Variants in UNC79 observed in about 807,000 individuals in gnomAD.
UNC79 encodes the protein unc-79 subunit of NALCN channel complex, also known as protein unc-79 homolog.
A neutral mutation model predicts 283.1 loss-of-function variants in UNC79; 37 were observed. That is an observed-to-expected ratio of 0.13 (90% CI 0.10 to 0.17). The LOEUF (loss-of-function observed/expected upper bound fraction) is 0.17, where lower values mean the gene tolerates loss of function less well. Ranked by LOEUF, UNC79 falls within the 10% of genes least tolerant of loss-of-function variation. The pLI, the probability that UNC79 is intolerant of heterozygous loss-of-function variation, is 1.00. For missense variants in UNC79, 2,272 were observed against 3,211.1 expected (o/e 0.71, Z 7.07); for synonymous variants, 1,107 against 1,200.2 (o/e 0.92, Z 1.61).
intron 22 of UNC79, among the ~76,000 whole-genome samples, chr14:93,593,229 G>C (rs909139115): frequency 6.6e-6 from 1 of 152,144 alleles, no homozygotes; most frequent in African/African-American, 2.4e-5. Flanking sequence ...TTGATGACCT[G>C]TCTGTTCTTG....
chr14:93,372,640 C>A (rs2054476639), intron 1 of UNC79, among the ~76,000 whole-genome samples: 1 of 152,226 alleles, frequency 6.6e-6, no homozygotes, highest in Non-Finnish European at 1.5e-5. Context: ...TGTTTAAGCA[C>A]CTAACAACAA....
intron 1 of UNC79, among the ~76,000 whole-genome samples, chr14:93,444,654 A>C (rs2140145018): frequency 6.6e-6 from 1 of 152,240 alleles, no homozygotes; most frequent in African/African-American, 2.4e-5. Flanking sequence ...TACGATATCC[A>C]GTTGTTTCTT....
chr14:93,404,493 A>AAATATAT, intron 1 of UNC79, among the ~76,000 whole-genome samples: 3 of 61,512 alleles, frequency 4.9e-5, no homozygotes, highest in Admixed American at 4.7e-4. Flanking sequence ...TTCTAAAAAA[A>AAATATAT]ATATATATAT....
chr14:93,692,098 TGC>T, intron 46 of UNC79, 152 bp downstream of exon 49: 4 of 915,740 alleles, frequency 4.4e-6, no homozygotes, highest in Non-Finnish European at 6.5e-6. Context: ...ATGTTCTGCT[TGC>T]ATAAGCATTT....
rs748828170 is a variant in UNC79, at chr14:93,622,301, G to C, written c.5068G>C (p.Glu1690Gln). 6.2e-7 allele frequency: 1 copy of C among 1,614,122 alleles called. No individual in the cohort carries two copies. The highest frequency in any genetic ancestry group is 2.2e-5 in the East Asian group (1 of 44,864). Reference sequence around the variant, plus strand: ...AGCTCCGCTTGTACAAGTAAGTGTGGAGGATTGTTCCAAAGACTTTTCTTC... The same window carrying C: ...AGCTCCGCTTGTACAAGTAAGTGTGCAGGATTGTTCCAAAGACTTTTCTTC... The change falls in exon 30 of 49, where the codon GAG (glutamate) becomes CAG (glutamine). Residue 1690 changes from glutamate (E) to glutamine (Q), a missense_variant. By Grantham distance (29) the Glu-to-Gln change is conservative (BLOSUM62 2). Around this residue, in one of 11 missense-constraint regions of UNC79, gnomAD observed 580 missense variants for 632.2 expected, o/e 0.92. Coordinates refer to ENST00000555664, the Ensembl canonical transcript of UNC79.
At chr14:93,567,492 G>A (rs1196661712) in intron 14 of UNC79, among the ~76,000 whole-genome samples, 1 of 152,186 alleles carries the variant, frequency 6.6e-6, no homozygotes, top group Admixed American at 6.5e-5. Context: ...CTCCCAAAGT[G>A]CTGGGATTAC....
chr14:93,576,167 A>G (rs998429580), intron 17 of UNC79, among the ~76,000 whole-genome samples: 12 of 152,190 alleles, frequency 7.9e-5, no homozygotes, highest in African/African-American at 2.9e-4. Flanking sequence ...CATTATCTTC[A>G]TTTTACAACT....
At chr14:93,653,694 G>T in intron 35 of UNC79, 48 bp from the exon 39 acceptor site, 1 of 1,545,364 alleles carries the variant, frequency 6.5e-7, no homozygotes. Flanking sequence ...CTGAACACCT[G>T]CTCACTGGCC....
intron 35 of UNC79, among the ~76,000 whole-genome samples, chr14:93,647,498 A>G (rs950346438): frequency 6.6e-6 from 1 of 152,208 alleles, no homozygotes; most frequent in Non-Finnish European, 1.5e-5. Flanking sequence ...CCATGCAGTA[A>G]TTTATAGAAA....
chr14:93,668,923 G>A (rs1001619000), intron 40 of UNC79, among the ~76,000 whole-genome samples: 1 of 149,646 alleles, frequency 6.7e-6, no homozygotes, highest in Non-Finnish European at 1.5e-5. Flanking sequence ...CCTGAGTCTG[G>A]GGGTTTGTGG....
rs1381615432 is a variant in UNC79 at position 93,528,660 on chromosome 14, T to C, written c.1052+14T>C. ...GAGGATTGCAGGGTAGGTATAAGAG[T>C]TCTTAAAGAAAAGGAAATAGGACAA... On this transcript the variant is annotated intron_variant, in intron 9 of 48. Coordinates refer to ENST00000555664, the Ensembl canonical transcript of UNC79. 6.2e-7 allele frequency: 1 copy of C among 1,609,052 alleles called. No individual in the cohort carries two copies. Among genetic ancestry groups the C allele is most frequent in the African/African-American group, 1.3e-5 (1 of 74,788 alleles).
chr14:93,528,775 AT>A, intron 9 of UNC79, 129 bp downstream of exon 9: 2 of 853,254 alleles, frequency 2.3e-6, no homozygotes, highest in Non-Finnish European at 3.6e-6. Context: ...AAGGTTAATT[AT>A]TCTGATACTT....
At chr14:93,680,040 G>A (rs1185357919) in intron 41 of UNC79, among the ~76,000 whole-genome samples, 1 of 152,286 alleles carries the variant, frequency 6.6e-6, no homozygotes, top group East Asian at 1.9e-4. Flanking sequence ...ATAAAAAAAA[G>A]ATGATTTCTG....
chr14:93,404,493 A>AAAAAAAAAAAAATATAT, intron 1 of UNC79, among the ~76,000 whole-genome samples: 2 of 61,512 alleles, frequency 3.3e-5, no homozygotes, highest in Non-Finnish European at 6.4e-5. Flanking sequence ...TTCTAAAAAA[A>AAAAAAAAAAAAATATAT]ATATATATAT....
chr14:93,648,195 A>G (rs1952227), intron 35 of UNC79, among the ~76,000 whole-genome samples: 148,940 of 152,356 alleles, frequency 0.98, 73,156 homozygotes, highest in Middle Eastern at 1. Context: ...GCTGTATGGC[A>G]TTGCATCTAC....
At chr14:93,530,949 C>G (rs1338285772) in intron 10 of UNC79, among the ~76,000 whole-genome samples, 1 of 152,084 alleles carries the variant, frequency 6.6e-6, no homozygotes, top group Admixed American at 6.6e-5. Flanking sequence ...ACAACAACAA[C>G]AAAAAACCTG....
chr14:93,480,874 T>C (rs2058094030), intron 4 of UNC79, among the ~76,000 whole-genome samples: 1 of 152,220 alleles, frequency 6.6e-6, no homozygotes, highest in African/African-American at 2.4e-5. Context: ...TTGTATGTCC[T>C]GAGTACTTGA....
chr14:93,426,377 C>T (rs1216482194), upstream of UNC79, among the ~76,000 whole-genome samples: 2 of 150,870 alleles, frequency 1.3e-5, no homozygotes, highest in Non-Finnish European at 3.0e-5. Context: ...TTTTTTTTGT[C>T]ACCAAATTTT....
intron 30 of UNC79, among the ~76,000 whole-genome samples, chr14:93,628,641 T>C (rs930372130): frequency 6.6e-6 from 1 of 152,232 alleles, no homozygotes; most frequent in African/African-American, 2.4e-5. Flanking sequence ...AATAGAGAGC[T>C]GGCAAATGTC....
Sources: gnomAD v4.1 joint callset for allele counts (sites outside exome capture counted in the v4.1 genomes callset) on GRCh38, gnomAD v4.1.1 for gene constraint, gnomAD v4.1.1 regional missense constraint, MANE v1.5 for transcripts, NCBI Gene and HGNC (gene_info 2026-07-23, HGNC 2026-07-21) for gene names.